FGFR2: variants seen among roughly 807,000 people sequenced by gnomAD.
FGFR2 encodes the protein fibroblast growth factor receptor 2.
Under a neutral mutation model 95.9 loss-of-function variants are expected in FGFR2, and 19 were observed. That is an observed-to-expected ratio of 0.20 (90% CI 0.14 to 0.29). FGFR2 has a LOEUF of 0.29. FGFR2 is among the 10% of genes least tolerant of loss of function. The pLI, the probability that FGFR2 is intolerant of heterozygous loss-of-function variation, is 1.00. For synonymous variants in FGFR2, 392 were observed against 393.3 expected (o/e 1.00, Z 0.04); for missense variants, 707 against 1,056.9 (o/e 0.67, Z 4.59).
At chr10:121,593,611 T>C in intron 2 of FGFR2, 98 bp downstream of exon 2, 2 of 1,066,868 alleles carry the variant, frequency 1.9e-6, no homozygotes, top group Admixed American at 3.9e-5. Context: ...AGAAGCCCCA[T>C]TTACAATGCA....
chr10:121,590,956 G>A (rs1862534999), intron 2 of FGFR2, among the ~76,000 whole-genome samples: 2 of 152,032 alleles, frequency 1.3e-5, no homozygotes, highest in African/African-American at 4.8e-5. Context: ...GATGGACAGG[G>A]GCACAGGCAC....
intron 8 of FGFR2, among the ~76,000 whole-genome samples, chr10:121,516,004 G>A (rs914405276): frequency 1.5e-4 from 23 of 151,194 alleles, no homozygotes; most frequent in Admixed American, 1.3e-3. Flanking sequence ...ATACATATCC[G>A]GTTATATTGT....
Position 121,593,912 on chromosome 10 carries a change from G to T in FGFR2, c.-95C>A. On this transcript the variant is annotated 5_prime_UTR_variant, in exon 2 of 18. Transcript: ENST00000358487. ...TCTACGGGCATGGACTACGCGCAAT[G>T]CCTTCAGCCTGCGGTGGGCTCAGGA... is the stretch of plus-strand genomic sequence containing the variant. 8.6e-7 allele frequency: 1 copy of T among 1,156,778 alleles called. No individual in the cohort carries two copies. Among genetic ancestry groups the T allele is most frequent in the Non-Finnish European group, 1.3e-6 (1 of 769,924 alleles). 71.7% of individuals were successfully genotyped at this position (1,156,778 alleles called of 1,614,324 possible). A position where few individuals can be genotyped will look rare whatever the true frequency, so the allele number is the denominator to read the frequency against.
rs543540556 is a variant in FGFR2 at position 121,578,916 on chromosome 10, GA to G, written c.110-13213del. On this transcript the variant is annotated intron_variant, in intron 2 of 17. Coordinates refer to ENST00000358487, the MANE Select transcript of FGFR2 (RefSeq NM_000141.5). ...CAAGAGCAAAAGTCTGTCTCAAAAG[GA>G]AAAAACAAAAAAAGATTCTGGGTCA... Among the ~76,000 whole-genome samples the G allele has an allele frequency of 8.5e-4, 129 of 152,022 alleles. 1 individual carries two copies. Among genetic ancestry groups the G allele is most frequent in the African/African-American group, 3.1e-3 (127 of 41,520 alleles).
chr10:121,521,015 C>G (rs1014649867), intron 6 of FGFR2, among the ~76,000 whole-genome samples: 2 of 152,142 alleles, frequency 1.3e-5, no homozygotes, highest in African/African-American at 2.4e-5. Context: ...GCCTAAAGCC[C>G]AAAGTTATGA....
At chr10:121,554,713 C>G (rs1855885048) in intron 4 of FGFR2, among the ~76,000 whole-genome samples, 1 of 152,048 alleles carries the variant, frequency 6.6e-6, no homozygotes, top group African/African-American at 2.4e-5. Context: ...CTAAAATACA[C>G]TAGCTTTATG....
chr10:121,492,211 C>T (rs1846227904), intron 13 of FGFR2, among the ~76,000 whole-genome samples: 1 of 152,158 alleles, frequency 6.6e-6, no homozygotes, highest in Non-Finnish European at 1.5e-5. Context: ...TCAGGTTTAA[C>T]ACTTTGAGGG....
intron 4 of FGFR2, among the ~76,000 whole-genome samples, chr10:121,562,037 A>G (rs977438671): frequency 6.6e-6 from 1 of 152,188 alleles, no homozygotes; most frequent in Non-Finnish European, 1.5e-5. Flanking sequence ...CACCAAGCAC[A>G]TCGAATGATG....
chr10:121,586,084 T>A (rs1029143311), intron 2 of FGFR2, among the ~76,000 whole-genome samples: 1 of 152,346 alleles, frequency 6.6e-6, no homozygotes, highest in African/African-American at 2.4e-5. Context: ...CTTTTCAATG[T>A]CTGGATACTT....
chr10:121,513,754 A>G (rs1382706947), intron 9 of FGFR2, among the ~76,000 whole-genome samples: 1 of 152,100 alleles, frequency 6.6e-6, no homozygotes, highest in African/African-American at 2.4e-5. Flanking sequence ...TGCTGTTAAC[A>G]CAATTTGGTC....
intron 5 of FGFR2, among the ~76,000 whole-genome samples, chr10:121,542,099 T>C (rs41295471): frequency 0.013 from 1,989 of 152,292 alleles, 47 homozygotes; most frequent in African/African-American, 0.046. Flanking sequence ...GAATGAAGTA[T>C]TATGTTCAGA....
At chr10:121,580,843 T>G (rs984929257) in intron 2 of FGFR2, among the ~76,000 whole-genome samples, 3 of 152,174 alleles carry the variant, frequency 2.0e-5, no homozygotes, top group Non-Finnish European at 4.4e-5. Context: ...AAACAAACTT[T>G]GAAGAGTCAC....
intron 2 of FGFR2, 104 bp downstream of exon 2, chr10:121,593,605 G>T: frequency 2.0e-6 from 2 of 987,786 alleles, no homozygotes; most frequent in Non-Finnish European, 1.6e-6. Flanking sequence ...GCTCTTAGAA[G>T]CCCCATTTAC....
intron 6 of FGFR2, among the ~76,000 whole-genome samples, chr10:121,534,100 T>C (rs1852472236): frequency 7.0e-6 from 1 of 143,754 alleles, no homozygotes; most frequent in African/African-American, 2.6e-5. Context: ...GCTTTTTTTT[T>C]TTTTTTTTTT....
chr10:121,561,241 A>C (rs1289963573), intron 4 of FGFR2, among the ~76,000 whole-genome samples: 3 of 152,040 alleles, frequency 2.0e-5, no homozygotes, highest in Non-Finnish European at 4.4e-5. Context: ...CCTGACCAAC[A>C]TGGAGAAACC....
At chr10:121,597,423 C>A (rs745849484) in intron 1 of FGFR2, among the ~76,000 whole-genome samples, 1 of 152,252 alleles carries the variant, frequency 6.6e-6, no homozygotes, top group South Asian at 2.1e-4. Context: ...GCCCAGGCAC[C>A]GGAGCCGTCG....
chr10:121,538,376 A>G (rs984110618), intron 6 of FGFR2: 1 of 810,704 alleles, frequency 1.2e-6, no homozygotes, highest in Non-Finnish European at 2.2e-6. Context: ...CTTGGGAACC[A>G]TGAGGATCAT....
chr10:121,549,462 C>T (rs551840028), intron 5 of FGFR2, among the ~76,000 whole-genome samples: 1 of 152,312 alleles, frequency 6.6e-6, no homozygotes, highest in East Asian at 1.9e-4. Flanking sequence ...TTCCTCCCAC[C>T]ATGCAGTTTT....
intron 4 of FGFR2, among the ~76,000 whole-genome samples, chr10:121,559,909 T>C (rs1250763511): frequency 6.6e-6 from 1 of 152,250 alleles, no homozygotes; most frequent in Non-Finnish European, 1.5e-5. Flanking sequence ...TGTTGCATTC[T>C]ATTGCTTCAC....
Sources: allele counts gnomAD v4.1 joint callset (sites outside exome capture counted in the v4.1 genomes callset), GRCh38; gene constraint gnomAD v4.1.1; transcripts MANE v1.5; gene names NCBI Gene and HGNC (gene_info 2026-07-23, HGNC 2026-07-21).